Variants in LAMA3 observed in about 807,000 individuals in gnomAD.
LAMA3 encodes laminin subunit alpha 3.
LAMA3 carries 281 observed loss-of-function variants against 402.0 expected under a neutral mutation model. The ratio of observed to expected loss-of-function variants is 0.70; its 90% CI spans 0.63 to 0.77. The LOEUF (loss-of-function observed/expected upper bound fraction) is 0.77. Among genes scored for constraint, LAMA3 ranks in the 30% least tolerant of loss-of-function variants. The pLI, the probability that LAMA3 is intolerant of heterozygous loss-of-function variation, is 0.00. For synonymous variants in LAMA3, 1,431 were observed against 1,558.4 expected (o/e 0.92, Z 1.93); for missense variants, 3,840 against 4,215.5 (o/e 0.91, Z 2.47).
chr18:23,851,683 C>T (rs1343376664), intron 32 of LAMA3, among the ~76,000 whole-genome samples: 1 of 152,208 alleles, frequency 6.6e-6, no homozygotes, highest in Non-Finnish European at 1.5e-5. Context: ...GCCACCCTCA[C>T]TCCTGGATGA....
intron 2 of LAMA3, among the ~76,000 whole-genome samples, chr18:23,742,784 T>C (rs954725247): frequency 6.6e-6 from 1 of 152,138 alleles, no homozygotes; most frequent in African/African-American, 2.4e-5. Flanking sequence ...GGTTTACAAA[T>C]TATGCAAAAT....
In LAMA3 at chr18:23,813,062, A is replaced by G. The variant is rs771775090; in HGVS notation, c.1747A>G (p.Ser583Gly). 6.2e-6 allele frequency: 10 copies of G among 1,607,792 alleles called. No homozygotes were observed. The Admixed American group carries it at 1.7e-4, about 27-fold the overall frequency. ...AATTTCTGAATCATATTCAGGTTCC[A>G]GCAGTGCTTGTGACCCAGCTGGTAC... is the stretch of plus-strand genomic sequence containing the variant. ...AYDFPHCQGS[S>G]SACDPAGTIN... The change falls in exon 14 of 75, where the codon AGC (serine) becomes GGC (glycine). Residue 583 changes from serine to glycine, a missense_variant. By Grantham distance (56) the Ser-to-Gly change is moderately conservative. Transcript: ENST00000313654.
At chr18:23,819,025 G>A (rs187031936) in intron 18 of LAMA3, among the ~76,000 whole-genome samples, 5 of 152,258 alleles carry the variant, frequency 3.3e-5, no homozygotes, top group Non-Finnish European at 7.4e-5. Flanking sequence ...ACATTTTTAA[G>A]GATCTTTGTA....
chr18:23,850,488 C>T (rs946882302), intron 32 of LAMA3, among the ~76,000 whole-genome samples: 2 of 152,210 alleles, frequency 1.3e-5, no homozygotes, highest in African/African-American at 4.8e-5. Flanking sequence ...CAGCTTCTTA[C>T]TCTGTAAAAT....
intron 42 of LAMA3, among the ~76,000 whole-genome samples, chr18:23,893,150 A>G (rs1156715942): frequency 2.6e-5 from 4 of 152,200 alleles, no homozygotes; most frequent in Admixed American, 6.5e-5. Context: ...AGTGTGGAAT[A>G]TTATTGGCTG....
intron 11 of LAMA3, 42 bp downstream of exon 11, chr18:23,777,661 A>G: frequency 1.4e-6 from 2 of 1,388,814 alleles, no homozygotes; most frequent in Non-Finnish European, 1.0e-6. Context: ...TGAAAATGTT[A>G]TGCCCTTATT....
At position 23,909,388 on chromosome 18, in the gene LAMA3, G is replaced by C. The variant is rs1267106440; in HGVS notation, c.7158+93G>C. On this transcript the variant is annotated intron_variant, in intron 55 of 74. Transcript: ENST00000313654. ...AAGAAAAAAACACTTATTTACTCAA[G>C]AATTGGTTGTCTTTCTTTCCCCAAT... The C allele has an allele frequency of 4.1e-6, 5 of 1,205,610 alleles. No homozygotes were observed. The South Asian group carries it at 6.1e-5, about 15-fold the overall frequency. 74.7% of individuals were successfully genotyped at this position (1,205,610 alleles called of 1,614,324 possible).
intron 54 of LAMA3, 65 bp downstream of exon 54, chr18:23,908,000 T>C (rs2081306842): frequency 6.7e-7 from 1 of 1,497,932 alleles, no homozygotes. Flanking sequence ...TTTTGGTCCA[T>C]TTCCATTCTT....
intron 7 of LAMA3, among the ~76,000 whole-genome samples, chr18:23,758,832 T>C (rs556110497): frequency 6.6e-6 from 1 of 152,198 alleles, no homozygotes; most frequent in East Asian, 1.9e-4. Flanking sequence ...ATCCATTTCA[T>C]AGGACGTGAT....
At chr18:23,940,960 G>A (rs12605694) in intron 68 of LAMA3, among the ~76,000 whole-genome samples, 137,730 of 144,166 alleles carry the variant, frequency 0.96, 65,899 homozygotes, top group East Asian at 1. Context: ...TTTTTGAGAC[G>A]GAATATCACT....
chr18:23,901,659 G>C (rs1244925908), intron 48 of LAMA3, among the ~76,000 whole-genome samples: 1 of 152,114 alleles, frequency 6.6e-6, no homozygotes, highest in Non-Finnish European at 1.5e-5. Context: ...TTATGTTTTT[G>C]GTAATTTACT....
rs973154543 is a variant in LAMA3, at chr18:23,867,440, T to C, written c.4684-394T>C. ...GGTGAGCACCTGTAATCCTAGCTAC[T>C]AGGGAGGCTAAGGCAGGAGAATCGC... On this transcript the variant is annotated intron_variant, in intron 36 of 74. Coordinates refer to ENST00000313654, the MANE Select transcript of LAMA3 (RefSeq NM_198129.4). 2.0e-5 allele frequency among the ~76,000 whole-genome samples: 3 copies of C among 149,232 alleles called. No homozygotes were observed. In the East Asian group the frequency reaches 5.9e-4, roughly 29 times the overall value.
chr18:23,922,269 G>T (rs1005218215), intron 62 of LAMA3, among the ~76,000 whole-genome samples: 16 of 152,200 alleles, frequency 1.1e-4, no homozygotes, highest in Non-Finnish European at 2.9e-5. Context: ...AAGGATTAGT[G>T]CAGCCTCATG....
chr18:23,950,429 C>A (rs1462491797), intron 72 of LAMA3, among the ~76,000 whole-genome samples: 1 of 152,182 alleles, frequency 6.6e-6, no homozygotes, highest in African/African-American at 2.4e-5. Flanking sequence ...GTTACTCAAG[C>A]TCTTTCAGAC....
chr18:23,894,783 G>T, intron 43 of LAMA3, 124 bp from the exon 44 acceptor site: 1 of 1,200,740 alleles, frequency 8.3e-7, no homozygotes, highest in East Asian at 2.4e-5. Flanking sequence ...GAGAAGGCCA[G>T]GGCTGTGGTT....
At chr18:23,938,121 AG>A (rs1326546548) in intron 67 of LAMA3, among the ~76,000 whole-genome samples, 1 of 152,138 alleles carries the variant, frequency 6.6e-6, no homozygotes, top group Non-Finnish European at 1.5e-5. Flanking sequence ...CACACCATCC[AG>A]CACAAGAAGC....
intron 20 of LAMA3, among the ~76,000 whole-genome samples, chr18:23,822,662 G>A (rs2063308733): frequency 6.6e-6 from 1 of 152,238 alleles, no homozygotes; most frequent in African/African-American, 2.4e-5. Context: ...ACTGAGCAGA[G>A]CTCATTTATA....
chr18:23,882,169 T>C lies in LAMA3; in HGVS notation c.5222+124T>C, dbSNP rs1568293743. On this transcript the variant is annotated intron_variant, in intron 40 of 74. Coordinates refer to ENST00000313654, the MANE Select transcript of LAMA3 (RefSeq NM_198129.4). ...TTACCAAAGGGTCTGGGATTTCTTT[T>C]TGAAGGGATGAAAACATTTTCAAAT... 9.8e-6 allele frequency: 7 copies of C among 713,672 alleles called. No homozygotes were observed. In the East Asian group the frequency reaches 1.3e-4, roughly 14 times the overall value. The allele number at this position is 713,672 out of a possible 1,614,324, so 44.2% of individuals were successfully genotyped here. A position where few individuals can be genotyped will look rare whatever the true frequency, so the allele number is the denominator to read the frequency against.
rs1372314794 is a variant in LAMA3 at position 23,689,694 on chromosome 18, C to A, written c.11C>A (p.Ala4Asp). The change falls in exon 1 of 75, where the codon GCC (alanine) becomes GAC (aspartate). Residue 4 changes from alanine (A) to aspartate (D), a missense_variant. Ala to Asp is a moderately radical substitution (Grantham distance 126). Around this residue, in one of 3 missense-constraint regions of LAMA3, gnomAD observed 2,109 missense variants for 2,376.0 expected, o/e 0.89. Coordinates refer to ENST00000313654, the MANE Select transcript of LAMA3 (RefSeq NM_198129.4). ...ACCCCGCGCGGCTGGATGGCGGCGGCCGCGCGGCCTCGGGGTCGGGCACTG... is the reference window on the plus strand; with the variant it reads ...ACCCCGCGCGGCTGGATGGCGGCGGACGCGCGGCCTCGGGGTCGGGCACTG... Reference protein sequence around the residue: MAAAARPRGRALGP... With the variant: MAADARPRGRALGP... The A allele has an allele frequency of 9.1e-6, 12 of 1,320,362 alleles. No homozygotes were observed. Among genetic ancestry groups the A allele is most frequent in the Non-Finnish European group, 1.2e-5 (12 of 1,041,546 alleles). 81.8% of individuals were successfully genotyped at this position (1,320,362 alleles called of 1,614,324 possible).
Sources: gnomAD v4.1 joint callset for allele counts (sites outside exome capture counted in the v4.1 genomes callset) on GRCh38, gnomAD v4.1.1 for gene constraint, gnomAD v4.1.1 regional missense constraint, MANE v1.5 for transcripts, NCBI Gene and HGNC (gene_info 2026-07-23, HGNC 2026-07-21) for gene names.